MYO18B: variants seen among roughly 807,000 people sequenced by gnomAD.
MYO18B encodes myosin XVIIIB.
A neutral mutation model predicts 273.0 loss-of-function variants in MYO18B; 204 were observed. The observed-to-expected ratio is 0.75, with a 90% CI of 0.67 to 0.84. MYO18B has a LOEUF of 0.84. MYO18B is among the 40% of genes least tolerant of loss of function. MYO18B has a pLI of 0.00. For missense variants in MYO18B, 3,212 were observed against 3,287.6 expected (o/e 0.98, Z 0.56); for synonymous variants, 1,330 against 1,305.7 (o/e 1.02, Z -0.40).
chr22:25,948,446 C>T lies in MYO18B; in HGVS notation c.5748+618C>T, dbSNP rs1375776726. On this transcript the variant is annotated intron_variant, in intron 36 of 43. Transcript: ENST00000335473. ...TCCTTCCTTCCTTCCTTCCTTCCTT[C>T]CTTCCTTCCTTCCTTCTTTCTTTCT... Among the ~76,000 whole-genome samples, 4 of 125,222 alleles carry T rather than the reference C, an allele frequency of 3.2e-5. 1 individual carries two copies. Among genetic ancestry groups the T allele is most frequent in the East Asian group, 4.6e-4 (2 of 4,316 alleles). 82.2% of individuals were successfully genotyped at this position (125,222 alleles called of 152,430 possible).
At chr22:25,902,072 A>G (rs1321565393) in intron 29 of MYO18B, among the ~76,000 whole-genome samples, 2 of 152,096 alleles carry the variant, frequency 1.3e-5, no homozygotes, top group Admixed American at 1.3e-4. Context: ...TCCTGGCCCC[A>G]AGTGATCCTC....
intron 1 of MYO18B, among the ~76,000 whole-genome samples, chr22:25,755,992 G>C (rs1354218286): frequency 2.6e-5 from 4 of 152,006 alleles, no homozygotes; most frequent in Non-Finnish European, 4.4e-5. Flanking sequence ...CTGCCTCCTG[G>C]GTTCACGCCA....
At chr22:26,008,851 A>G (rs1291039575) in intron 42 of MYO18B, among the ~76,000 whole-genome samples, 2 of 152,168 alleles carry the variant, frequency 1.3e-5, no homozygotes, top group African/African-American at 4.8e-5. Flanking sequence ...GTGCGAGGGC[A>G]GTGAGGCTCT....
rs759627049 is a variant in MYO18B, at chr22:25,780,006, G to A, written c.2069-50G>A. Reference sequence around the variant, plus strand: ...AGGTGGACCTGTGTGAGGTGGCAGTGGCAGCACCTGGGCCATCAGTGACAT... The same window carrying A: ...AGGTGGACCTGTGTGAGGTGGCAGTAGCAGCACCTGGGCCATCAGTGACAT... On this transcript the variant is annotated intron_variant, in intron 8 of 43. Transcript: ENST00000335473. 6.0e-6 allele frequency: 9 copies of A among 1,512,490 alleles called. No individual in the cohort carries two copies. The South Asian group carries it at 1.1e-4, about 19-fold the overall frequency. 93.7% of individuals were successfully genotyped at this position (1,512,490 alleles called of 1,614,324 possible).
chr22:25,787,342 CAG>C (rs2087448354), intron 11 of MYO18B, among the ~76,000 whole-genome samples: 1 of 150,628 alleles, frequency 6.6e-6, no homozygotes, highest in African/African-American at 2.4e-5. Flanking sequence ...GTATTATCTG[CAG>C]AGTTTCTAAT....
intron 21 of MYO18B, among the ~76,000 whole-genome samples, chr22:25,864,481 A>G: frequency 6.6e-6 from 1 of 152,156 alleles, no homozygotes; most frequent in Non-Finnish European, 1.5e-5. Flanking sequence ...TGATTACACC[A>G]TGTTGTAGAA....
At chr22:25,797,745 A>G (rs997194036) in intron 11 of MYO18B, among the ~76,000 whole-genome samples, 1 of 152,218 alleles carries the variant, frequency 6.6e-6, no homozygotes, top group Non-Finnish European at 1.5e-5. Flanking sequence ...GCCACACTGC[A>G]TTTCAAAGTC....
chr22:26,012,008 TG>T, intron 42 of MYO18B, among the ~76,000 whole-genome samples: 1 of 152,336 alleles, frequency 6.6e-6, no homozygotes. Context: ...TTGCAGTTCT[TG>T]GTTTAAAAGG....
At chr22:25,997,932 AACACACACAC>A (rs3070628) in intron 40 of MYO18B, among the ~76,000 whole-genome samples, 2 of 144,764 alleles carry the variant, frequency 1.4e-5, no homozygotes, top group South Asian at 2.2e-4. Context: ...CCAGGAGAGA[AACACACACAC>A]ACACACACAC....
intron 31 of MYO18B, among the ~76,000 whole-genome samples, 198 bp downstream of exon 31, chr22:25,904,029 T>G (rs2091990434): frequency 6.6e-6 from 1 of 152,198 alleles, no homozygotes; most frequent in Non-Finnish European, 1.5e-5. Context: ...AGGTTCAGTG[T>G]CACCTCCTCA....
In MYO18B at chr22:25,985,923, C is replaced by T. The variant is rs921946912; in HGVS notation, c.6157-6440C>T. On this transcript the variant is annotated intron_variant, in intron 39 of 43. Transcript: ENST00000335473. ...CTGGGATTAGAGGCATGAGCCGCCC[C>T]GCCCAGCCTACAGGGCTTTTATTCC... is the stretch of plus-strand genomic sequence containing the variant. 9.2e-5 allele frequency among the ~76,000 whole-genome samples: 14 copies of T among 152,312 alleles called. 1 individual carries two copies. Among genetic ancestry groups the T allele is most frequent in the Admixed American group, 7.8e-4 (12 of 15,294 alleles).
chr22:25,766,773 G>C (rs1399514665), intron 3 of MYO18B, among the ~76,000 whole-genome samples: 1 of 152,208 alleles, frequency 6.6e-6, no homozygotes. Flanking sequence ...GGGGTTCCTT[G>C]TTGAGGAATT....
chr22:25,760,434 A>AAAAAAAAC lies in MYO18B; in HGVS notation c.-109-550_-109-549insAAAAAAAC, dbSNP rs59165419. ...CTCAAAAAAAAAAAAAAAAAAAAAAACACAAAAACAAATAATAGTGGTTTC... is the reference window on the plus strand; with the variant it reads ...CTCAAAAAAAAAAAAAAAAAAAAAAAAAAAAAACCACAAAAACAAATAATAGTGGTTTC... On this transcript the variant is annotated intron_variant, in intron 1 of 43. Transcript: ENST00000335473. 1.2e-3 allele frequency among the ~76,000 whole-genome samples: 129 copies of AAAAAAAAC among 111,502 alleles called. 7 individuals carry two copies. The highest frequency in any genetic ancestry group is 3.9e-3 in the South Asian group (13 of 3,308). The allele number at this position is 111,502 out of a possible 152,430, so 73.1% of individuals were successfully genotyped here. A position where few individuals can be genotyped will look rare whatever the true frequency, so the allele number is the denominator to read the frequency against.
chr22:25,970,049 TACC>T (rs1163318187), intron 39 of MYO18B, among the ~76,000 whole-genome samples: 1 of 151,924 alleles, frequency 6.6e-6, no homozygotes, highest in Non-Finnish European at 1.5e-5. Context: ...CCTCCATTGT[TACC>T]ACAACCATTA....
At chr22:25,964,025 C>T (rs2092949115) in intron 39 of MYO18B, 1 of 152,162 alleles carries the variant, frequency 6.6e-6, no homozygotes. Context: ...ATGGTGGGTA[C>T]TGGGTTAAGT....
chr22:25,827,184 C>T (rs2145910704), intron 14 of MYO18B, among the ~76,000 whole-genome samples: 1 of 152,304 alleles, frequency 6.6e-6, no homozygotes, highest in South Asian at 2.1e-4. Context: ...ACCTGCTTTG[C>T]ATCATTGAAT....
chr22:25,832,724 C>T (rs2089754457), intron 15 of MYO18B, among the ~76,000 whole-genome samples, 193 bp from the exon 16 acceptor site: 1 of 152,088 alleles, frequency 6.6e-6, no homozygotes, highest in African/African-American at 2.4e-5. Context: ...TACCTTATAC[C>T]ACTGAAATGT....
chr22:25,780,886 T>C (rs2087120313), intron 9 of MYO18B, among the ~76,000 whole-genome samples: 1 of 152,196 alleles, frequency 6.6e-6, no homozygotes, highest in African/African-American at 2.4e-5. Context: ...AGTCCGCGTG[T>C]GACGAACACA....
intron 11 of MYO18B, among the ~76,000 whole-genome samples, chr22:25,789,269 C>G (rs553195387): frequency 9.9e-5 from 15 of 152,050 alleles, no homozygotes; most frequent in African/African-American, 3.4e-4. Flanking sequence ...CTTGTTTTCC[C>G]TCTTACTGAA....
Sources: allele counts gnomAD v4.1 joint callset (sites outside exome capture counted in the v4.1 genomes callset), GRCh38; gene constraint gnomAD v4.1.1; transcripts MANE v1.5; gene names NCBI Gene and HGNC (gene_info 2026-07-23, HGNC 2026-07-21).